The following DOCK1 variants were observed in gnomAD, a reference collection of about 807,000 sequenced individuals.
DOCK1 encodes the protein dedicator of cytokinesis protein 1.
Under a neutral mutation model 262.7 loss-of-function variants are expected in DOCK1, and 138 were observed. The observed-to-expected ratio is 0.53, with a 90% confidence interval of 0.46 to 0.61. The LOEUF (loss-of-function observed/expected upper bound fraction) is 0.61, where lower values mean the gene tolerates loss of function less well. DOCK1 is among the 20% of genes least tolerant of loss of function. The pLI, the probability that DOCK1 is intolerant of heterozygous loss-of-function variation, is 0.00. For missense variants in DOCK1, 1,908 were observed against 2,370.7 expected, an observed-to-expected ratio of 0.80 and a Z score of 4.05; for synonymous variants, 866 against 867.4, an observed-to-expected ratio of 1.00 and a Z score of 0.03.
At chr10:127,223,636 T>G (rs1258019832) in intron 27 of DOCK1, among the ~76,000 whole-genome samples, 3 of 152,206 alleles carry the variant, frequency 2.0e-5, no homozygotes, top group South Asian at 4.1e-4. Context: ...GTCCCAAGCA[T>G]TTTGAATAAG....
At chr10:127,390,729 T>C (rs546131596) in intron 38 of DOCK1, among the ~76,000 whole-genome samples, 1 of 152,332 alleles carries the variant, frequency 6.6e-6, no homozygotes, top group South Asian at 2.1e-4. Context: ...TACTCAGTGC[T>C]TCATTATGGC....
chr10:127,401,285 G>T (rs2134302847), intron 38 of DOCK1, among the ~76,000 whole-genome samples: 1 of 152,308 alleles, frequency 6.6e-6, no homozygotes, highest in South Asian at 2.1e-4. Flanking sequence ...AATCTGTATA[G>T]CTCTGCAGCA....
chr10:127,206,136 C>CTTTTTTTTTTTTTTT (rs34450374), intron 27 of DOCK1, among the ~76,000 whole-genome samples: 6 of 78,624 alleles, frequency 7.6e-5, no homozygotes, highest in Non-Finnish European at 1.1e-4. Context: ...TTCTTCTTCT[C>CTTTTTTTTTTTTTTT]TTTTTTTTTT....
chr10:127,207,302 A>G (rs1363535819), intron 27 of DOCK1, among the ~76,000 whole-genome samples: 1 of 152,242 alleles, frequency 6.6e-6, no homozygotes, highest in Non-Finnish European at 1.5e-5. Context: ...CAGCAAGTAC[A>G]GGGCGGTCCC....
At chr10:127,050,980 C>T (rs1564763749) in intron 21 of DOCK1, among the ~76,000 whole-genome samples, 2 of 151,908 alleles carry the variant, frequency 1.3e-5, no homozygotes, top group South Asian at 2.1e-4. Flanking sequence ...ATTAAAAAAA[C>T]CTATCTATGA....
chr10:127,410,958 A>G, intron 43 of DOCK1, 34 bp downstream of exon 43: 1 of 1,598,850 alleles, frequency 6.3e-7, no homozygotes, highest in Non-Finnish European at 8.5e-7. Flanking sequence ...ACCAAACAAC[A>G]AAAAATATCA....
chr10:127,387,497 T>G (rs1364205087), intron 38 of DOCK1, among the ~76,000 whole-genome samples: 2 of 152,210 alleles, frequency 1.3e-5, no homozygotes, highest in Non-Finnish European at 2.9e-5. Context: ...CTGGGCATAC[T>G]CCTTCCTGTC....
intron 21 of DOCK1, among the ~76,000 whole-genome samples, chr10:127,046,307 C>T (rs1303816092): frequency 6.6e-6 from 1 of 152,142 alleles, no homozygotes; most frequent in Non-Finnish European, 1.5e-5. Flanking sequence ...GTTTTCCAGC[C>T]AATGGAGATG....
rs931565453 is a variant in DOCK1, at chr10:126,927,736, C to G, written c.46+22173C>G. ...ATAGGTGTGAGCCACCGCGCCCGGCCTGTCTTCATTCTTTCACGTGTTCAT... is the reference window on the plus strand; with the variant it reads ...ATAGGTGTGAGCCACCGCGCCCGGCGTGTCTTCATTCTTTCACGTGTTCAT... On this transcript the variant is annotated intron_variant, in intron 1 of 51. Transcript: ENST00000623213. Among the ~76,000 whole-genome samples, 1,294 of 152,286 alleles carry G rather than the reference C, an allele frequency of 8.5e-3. 30 individuals are homozygous for G. The highest frequency in any genetic ancestry group is 0.03 in the African/African-American group (1,243 of 41,562).
chr10:127,313,394 G>T (rs887883662), intron 29 of DOCK1, among the ~76,000 whole-genome samples: 3 of 152,148 alleles, frequency 2.0e-5, no homozygotes, highest in Non-Finnish European at 1.5e-5. Context: ...ATCACTGCTT[G>T]GTACCTTCCA....
intron 38 of DOCK1, among the ~76,000 whole-genome samples, chr10:127,396,755 A>C (rs780386531): frequency 1.1e-4 from 1 of 9,134 alleles, no homozygotes. Context: ...TCTCTGTTAC[A>C]AAAAAAAAAA....
chr10:127,128,318 A>C (rs1003838934), intron 27 of DOCK1, among the ~76,000 whole-genome samples: 2 of 144,906 alleles, frequency 1.4e-5, no homozygotes, highest in Admixed American at 6.9e-5. Context: ...CAAAAAATGC[A>C]TGAGTAGATC....
chr10:127,258,987 G>A (rs1004622472), intron 29 of DOCK1, among the ~76,000 whole-genome samples: 12 of 152,064 alleles, frequency 7.9e-5, no homozygotes, highest in African/African-American at 2.7e-4. Flanking sequence ...GAGACAGATT[G>A]GCCTTGTGTA....
At chr10:127,114,589 G>A (rs1332023916) in intron 25 of DOCK1, among the ~76,000 whole-genome samples, 1 of 148,966 alleles carries the variant, frequency 6.7e-6, no homozygotes. Context: ...GGAAATAGGA[G>A]GGGGGTGCAG....
At chr10:127,246,947 G>A (rs1385079170) in intron 27 of DOCK1, among the ~76,000 whole-genome samples, 1 of 152,086 alleles carries the variant, frequency 6.6e-6, no homozygotes, top group Non-Finnish European at 1.5e-5. Context: ...GGCTTAATGG[G>A]AAAAAATATA....
At chr10:127,194,111 T>C (rs2056935344) in intron 27 of DOCK1, among the ~76,000 whole-genome samples, 1 of 152,248 alleles carries the variant, frequency 6.6e-6, no homozygotes, top group Non-Finnish European at 1.5e-5. Context: ...TTCATTTAGC[T>C]AAAGAAATTA....
chr10:126,978,177 A>G (rs868553667), intron 3 of DOCK1, among the ~76,000 whole-genome samples, 189 bp downstream of exon 3: 2 of 152,212 alleles, frequency 1.3e-5, no homozygotes, highest in African/African-American at 2.4e-5. Context: ...GTACATAGAA[A>G]TTGTAGCTTC....
At chr10:126,989,538 G>T (rs1326071517) in intron 5 of DOCK1, among the ~76,000 whole-genome samples, 1 of 152,000 alleles carries the variant, frequency 6.6e-6, no homozygotes, top group African/African-American at 2.4e-5. Context: ...TGTTGCCCAG[G>T]CTGATCTCCA....
chr10:126,949,272 G>C (rs1264743653), intron 1 of DOCK1, among the ~76,000 whole-genome samples: 1 of 152,118 alleles, frequency 6.6e-6, no homozygotes, highest in African/African-American at 2.4e-5. Flanking sequence ...TGTGGGGAAT[G>C]GGGAGCCGCA....
Sources: gnomAD v4.1 joint callset for allele counts (sites outside exome capture counted in the v4.1 genomes callset) on GRCh38, gnomAD v4.1.1 for gene constraint, MANE v1.5 for transcripts, NCBI Gene and HGNC (gene_info 2026-07-23, HGNC 2026-07-21) for gene names.